VPS13A: variants seen among roughly 807,000 people sequenced by gnomAD.
The protein encoded by VPS13A is intermembrane lipid transfer protein VPS13A.
Under a neutral mutation model 390.9 loss-of-function variants are expected in VPS13A, and 264 were observed. The observed-to-expected ratio is 0.68, with a 90% CI of 0.61 to 0.75. VPS13A has a LOEUF of 0.75. VPS13A is among the 30% of genes least tolerant of loss of function. VPS13A has a pLI of 0.00. For missense variants in VPS13A, 3,409 were observed against 3,733.9 expected (o/e 0.91, Z 2.27); for synonymous variants, 1,231 against 1,227.1 (o/e 1.00, Z -0.07).
chr9:77,333,504 T>C (rs1225184251), intron 46 of VPS13A, among the ~76,000 whole-genome samples: 1 of 144,598 alleles, frequency 6.9e-6, no homozygotes, highest in South Asian at 2.2e-4. Context: ...GGATCTCAGC[T>C]CCCAGGTTCA....
At chr9:77,319,277 T>C (rs974090785) in intron 41 of VPS13A, among the ~76,000 whole-genome samples, 1 of 151,818 alleles carries the variant, frequency 6.6e-6, no homozygotes, top group Non-Finnish European at 1.5e-5. Flanking sequence ...TCTGAATATG[T>C]GGATAATAAT....
chr9:77,178,341 C>G (rs971648470), intron 1 of VPS13A, among the ~76,000 whole-genome samples: 1 of 152,174 alleles, frequency 6.6e-6, no homozygotes, highest in African/African-American at 2.4e-5. Context: ...TGGCTTCACC[C>G]GTGGTGCTTT....
chr9:77,371,235 A>G (rs2131589357), intron 67 of VPS13A, 86 bp downstream of exon 67: 1 of 1,576,980 alleles, frequency 6.3e-7, no homozygotes, highest in South Asian at 1.1e-5. Flanking sequence ...TCAGGCATTT[A>G]GTTATTGTCT....
intron 1 of VPS13A, among the ~76,000 whole-genome samples, chr9:77,182,137 G>A (rs1273870159): frequency 2.0e-5 from 3 of 151,870 alleles, no homozygotes; most frequent in Admixed American, 6.6e-5. Flanking sequence ...TCTGTCACCC[G>A]GGTGGGAGTG....
chr9:77,413,097 G>A lies in VPS13A; in HGVS notation c.9475-2859G>A, dbSNP rs561941273. 1.6e-4 allele frequency among the ~76,000 whole-genome samples: 24 copies of A among 152,186 alleles called. No individual in the cohort carries two copies. The East Asian group carries it at 4.2e-3, about 27-fold the overall frequency. ...ACCACTGCTCAGTGAAATAAAAGAG[G>A]ATACAAACAAATGGAAGAACATTCC... On this transcript the variant is annotated intron_variant, in intron 71 of 71. Coordinates refer to ENST00000360280, the MANE Select transcript of VPS13A (RefSeq NM_033305.3).
chr9:77,225,506 A>G (rs990550964), intron 13 of VPS13A, among the ~76,000 whole-genome samples: 1 of 152,132 alleles, frequency 6.6e-6, no homozygotes, highest in Middle Eastern at 3.2e-3. Context: ...TCAGCCTCCC[A>G]GAGTGTTGGG....
intron 68 of VPS13A, among the ~76,000 whole-genome samples, chr9:77,386,642 G>T (rs7860800): frequency 0.026 from 3,877 of 151,644 alleles, 160 homozygotes; most frequent in East Asian, 0.19. Context: ...TGCTTGTGTG[G>T]TCTTAGAGTT....
At chr9:77,415,869 G>T in intron 71 of VPS13A, 87 bp from the exon 72 acceptor site, 4 of 1,511,656 alleles carry the variant, frequency 2.6e-6, no homozygotes, top group Non-Finnish European at 1.8e-6. Context: ...AAACTATAAA[G>T]CTAACTTCTA....
intron 60 of VPS13A, among the ~76,000 whole-genome samples, chr9:77,366,307 G>T (rs1399339918): frequency 6.6e-6 from 1 of 152,002 alleles, no homozygotes; most frequent in South Asian, 2.1e-4. Flanking sequence ...AAAATTCAAA[G>T]TACAGTTTCC....
At chr9:77,199,030 T>G (rs1825170956) in intron 1 of VPS13A, among the ~76,000 whole-genome samples, 1 of 152,178 alleles carries the variant, frequency 6.6e-6, no homozygotes, top group Admixed American at 6.5e-5. Flanking sequence ...CCATTTATAT[T>G]TGAAGTAGTT....
intron 20 of VPS13A, among the ~76,000 whole-genome samples, chr9:77,249,456 T>A (rs1825027664): frequency 6.6e-6 from 1 of 152,202 alleles, no homozygotes; most frequent in African/African-American, 2.4e-5. Context: ...ACAGAGATAA[T>A]CTTTTTTTGA....
chr9:77,374,148 G>T (rs1293879237), intron 67 of VPS13A, among the ~76,000 whole-genome samples: 5 of 151,882 alleles, frequency 3.3e-5, no homozygotes, highest in Non-Finnish European at 2.9e-5. Flanking sequence ...ATCTTATTTT[G>T]TTATAAGTTG....
intron 27 of VPS13A, among the ~76,000 whole-genome samples, chr9:77,280,569 C>T (rs1274945541): frequency 2.6e-5 from 4 of 151,924 alleles, no homozygotes; most frequent in Non-Finnish European, 5.9e-5. Context: ...ATGATGCTTT[C>T]ACTTTCTTTT....
At chr9:77,351,486 T>G (rs1454649029) in intron 53 of VPS13A, 40 bp downstream of exon 53, 1 of 1,607,288 alleles carries the variant, frequency 6.2e-7, no homozygotes. Context: ...GCAGCCTTTT[T>G]TAAAAAAGGT....
At chr9:77,257,707 G>A (rs1245559111) in intron 22 of VPS13A, among the ~76,000 whole-genome samples, 7 of 152,174 alleles carry the variant, frequency 4.6e-5, no homozygotes, top group African/African-American at 1.2e-4. Flanking sequence ...TTGAGGCTAC[G>A]GTGGGTTATG....
intron 17 of VPS13A, among the ~76,000 whole-genome samples, chr9:77,233,405 T>C (rs1823950246): frequency 6.6e-6 from 1 of 152,144 alleles, no homozygotes; most frequent in Non-Finnish European, 1.5e-5. Context: ...ATTTCATTTG[T>C]CTCCACTCTG....
At chr9:77,371,175 G>T in intron 67 of VPS13A, 26 bp downstream of exon 67, 2 of 1,613,396 alleles carry the variant, frequency 1.2e-6, no homozygotes, top group South Asian at 1.1e-5. Context: ...TGTAAGATAT[G>T]AGTTAAAATG....
chr9:77,345,292 A>G (rs1831088173), intron 52 of VPS13A, 150 bp downstream of exon 52: 1 of 865,362 alleles, frequency 1.2e-6, no homozygotes, highest in Non-Finnish European at 1.8e-6. Context: ...TACTTGAAGC[A>G]TGTAGGGGTA....
chr9:77,276,038 G>A (rs376196884), intron 25 of VPS13A, 27 bp from the exon 26 acceptor site: 243 of 1,607,032 alleles, frequency 1.5e-4, no homozygotes, highest in Non-Finnish European at 1.8e-4. Context: ...TTATGTAGTG[G>A]TAATTTCTTT....
Sources: gnomAD v4.1 joint callset for allele counts (sites outside exome capture counted in the v4.1 genomes callset) on GRCh38, gnomAD v4.1.1 for gene constraint, MANE v1.5 for transcripts, NCBI Gene and HGNC (gene_info 2026-07-23, HGNC 2026-07-21) for gene names.